The following LMO3 variants were observed in gnomAD, a reference collection of about 807,000 sequenced individuals.
The protein encoded by LMO3 is LIM domain only protein 3.
In LMO3, 2 loss-of-function variants were observed where a neutral mutation model predicts 15.8. The ratio of observed to expected loss-of-function variants is 0.13; its 90% CI spans 0.05 to 0.40. The LOEUF (loss-of-function observed/expected upper bound fraction) is 0.40, where lower values mean the gene tolerates loss of function less well. Ranked by LOEUF, LMO3 falls within the 10% of genes least tolerant of loss-of-function variation. The pLI is 0.99. For missense variants in LMO3, 86 were observed against 182.2 expected (o/e 0.47, Z 3.04); for synonymous variants, 62 against 63.8 (o/e 0.97, Z 0.13).
chr12:16,591,938 A>G lies in LMO3; in HGVS notation c.206+8717T>C, dbSNP rs2137629503. 6.6e-6 allele frequency among the ~76,000 whole-genome samples: 1 copy of G among 152,032 alleles called. No homozygotes were observed. The highest frequency in any genetic ancestry group is 2.4e-5 in the African/African-American group (1 of 41,482). ...TCATTCTCTATATTGGTTCCATGGG[A>G]CTTAATTGGAGTGAAACTCTTTATA... On this transcript the variant is annotated intron_variant, in intron 2 of 3. Coordinates refer to ENST00000537304, the MANE Select transcript of LMO3 (RefSeq NM_018640.5). The surrounding 1 kb of genome is among the most constrained non-coding windows in gnomAD (Gnocchi z 4.1).
At chr12:16,556,876 G>A (rs1290012995) in intron 3 of LMO3, among the ~76,000 whole-genome samples, 1 of 152,100 alleles carries the variant, frequency 6.6e-6, no homozygotes, top group Non-Finnish European at 1.5e-5. Context: ...GTGCATAACC[G>A]GCACTAAAGA....
chr12:16,605,344 T>C, intron 1 of LMO3: 10 of 1,158,900 alleles, frequency 8.6e-6, no homozygotes, highest in Non-Finnish European at 1.1e-5. Context: ...GTAAAAAATG[T>C]GCTGCATCAG....
At chr12:16,579,705 A>G (rs1407942795) in intron 2 of LMO3, among the ~76,000 whole-genome samples, 1 of 152,184 alleles carries the variant, frequency 6.6e-6, no homozygotes, top group Non-Finnish European at 1.5e-5. Flanking sequence ...ACTCAGTAAG[A>G]ATTCAGAAAA....
Position 16,549,645 on chromosome 12 carries a change from G to A in LMO3, c.*1577C>T, listed in dbSNP as rs1256968572. 1 of 152,206 alleles carries A rather than the reference G, an allele frequency of 6.6e-6. No individual in the cohort carries two copies. The highest frequency in any genetic ancestry group is 1.5e-5 in the Non-Finnish European group (1 of 67,946). 9.4% of individuals were successfully genotyped at this position (152,206 alleles called of 1,614,324 possible). On this transcript the variant is annotated 3_prime_UTR_variant, in exon 4 of 4. Transcript: ENST00000537304. ...TACAAGTGATCAAGAAAAAAACAAA[G>A]AAAAAGAAAACCCATAGCACTAAGT...
chr12:16,590,392 T>C (rs1943453649), intron 2 of LMO3, among the ~76,000 whole-genome samples: 3 of 152,196 alleles, frequency 2.0e-5, no homozygotes, highest in African/African-American at 7.2e-5. Context: ...CTCTAAGTGC[T>C]GGATTTAGAA....
upstream of LMO3, chr12:16,609,217 C>T (rs1414998185): frequency 1.3e-5 from 2 of 152,120 alleles, no homozygotes; most frequent in South Asian, 2.1e-4. Flanking sequence ...ATCTGGTGAA[C>T]AAGAGGTGGA....
Position 16,584,569 on chromosome 12 carries a change from T to C in LMO3, c.206+16086A>G, listed in dbSNP as rs1451494176. On this transcript the variant is annotated intron_variant, in intron 2 of 3. Coordinates refer to ENST00000537304, the MANE Select transcript of LMO3 (RefSeq NM_018640.5). This position sits in a 1 kb window ranked among gnomAD's most constrained non-coding sequence, Gnocchi z 5.2. Reference sequence around the variant, plus strand: ...AAACAAGAGACGTTTTAGATTAACATTGGCAAGTGGAGGAGTGGGGGGGGT... The same window carrying C: ...AAACAAGAGACGTTTTAGATTAACACTGGCAAGTGGAGGAGTGGGGGGGGT... Among the ~76,000 whole-genome samples, 6 of 151,530 alleles carry C rather than the reference T, an allele frequency of 4.0e-5. No individual in the cohort carries two copies. Among genetic ancestry groups the C allele is most frequent in the African/African-American group, 7.3e-5 (3 of 40,936 alleles).
At chr12:16,606,333 A>G (rs1944001379), upstream of LMO3, 1 of 153,124 alleles carries the variant, frequency 6.5e-6, no homozygotes, top group Admixed American at 6.5e-5. Context: ...GTTCAAGACA[A>G]CTTACCCCAG....
intron 2 of LMO3, among the ~76,000 whole-genome samples, chr12:16,580,850 T>G (rs1450428033): frequency 6.6e-6 from 1 of 152,232 alleles, no homozygotes; most frequent in Non-Finnish European, 1.5e-5. Flanking sequence ...AAGCTTTTAT[T>G]AATTATACAA....
Position 16,584,435 on chromosome 12 carries a change from G to A in LMO3, c.206+16220C>T, listed in dbSNP as rs118118872. On this transcript the variant is annotated intron_variant, in intron 2 of 3. Coordinates refer to ENST00000537304, the MANE Select transcript of LMO3 (RefSeq NM_018640.5). The surrounding 1 kb of genome is among the most constrained non-coding windows in gnomAD (Gnocchi z 5.2). ...GAAAGGCATCTGGCCAAAAGATTGT[G>A]GACACAGCAAAAGTTATTGACAAGG... Among the ~76,000 whole-genome samples the A allele has an allele frequency of 0.01, 1,580 of 152,212 alleles. 14 individuals are homozygous for A. The highest frequency in any genetic ancestry group is 0.015 in the Non-Finnish European group (1,022 of 68,022).
At chr12:16,605,350 A>G in intron 1 of LMO3, 5 of 1,160,798 alleles carry the variant, frequency 4.3e-6, no homozygotes, top group Non-Finnish European at 5.3e-6. Flanking sequence ...AATGTGCTGC[A>G]TCAGTTTGAA....
In LMO3 at chr12:16,582,940, A is replaced by G. The variant is rs1281933621; in HGVS notation, c.206+17715T>C. The stretch of plus-strand genomic sequence containing the variant: ...CATGCACCTGTAATCCCAGCTACTC[A>G]GGAGGCTAATGCAGGAAAATCTCTT... On this transcript the variant is annotated intron_variant, in intron 2 of 3. Transcript: ENST00000537304. The surrounding 1 kb of genome is among the most constrained non-coding windows in gnomAD (Gnocchi z 4.1). 6.6e-6 allele frequency among the ~76,000 whole-genome samples: 1 copy of G among 151,368 alleles called. No individual in the cohort carries two copies. The highest frequency in any genetic ancestry group is 1.5e-5 in the Non-Finnish European group (1 of 67,900).
chr12:16,602,900 C>A (rs75907151), intron 1 of LMO3, among the ~76,000 whole-genome samples: 2 of 151,588 alleles, frequency 1.3e-5, no homozygotes, highest in Middle Eastern at 3.2e-3. Context: ...TAAGAGAAGC[C>A]ATTCTAATTA....
chr12:16,569,042 G>A (rs1388062278), intron 2 of LMO3, among the ~76,000 whole-genome samples: 23 of 152,120 alleles, frequency 1.5e-4, no homozygotes, highest in Non-Finnish European at 2.9e-5. Context: ...CCCACCTATT[G>A]TTCCAGTTTC....
At chr12:16,565,724 A>G (rs1942574614) in intron 2 of LMO3, among the ~76,000 whole-genome samples, 1 of 151,810 alleles carries the variant, frequency 6.6e-6, no homozygotes, top group African/African-American at 2.4e-5. Flanking sequence ...GAAAAAAGGA[A>G]CACTGACACT....
Position 16,593,390 on chromosome 12 carries a change from A to G in LMO3, c.206+7265T>C, listed in dbSNP as rs1447598376. Reference sequence around the variant, plus strand: ...CTTAATGTTAATTTTCCACCTTCAAATCAGGGATTTGACTATTCCAAGATG... The same window carrying G: ...CTTAATGTTAATTTTCCACCTTCAAGTCAGGGATTTGACTATTCCAAGATG... On this transcript the variant is annotated intron_variant, in intron 2 of 3. Coordinates refer to ENST00000537304, the MANE Select transcript of LMO3 (RefSeq NM_018640.5). This position sits in a 1 kb window ranked among gnomAD's most constrained non-coding sequence, Gnocchi z 4.2. 1.3e-5 allele frequency among the ~76,000 whole-genome samples: 2 copies of G among 151,768 alleles called. No homozygotes were observed. Among genetic ancestry groups the G allele is most frequent in the Non-Finnish European group, 3.0e-5 (2 of 67,772 alleles).
At position 16,553,487 on chromosome 12, in the gene LMO3, GAC is replaced by G. The variant is rs1259176252; in HGVS notation, c.333-2162_333-2161del. On this transcript the variant is annotated intron_variant, in intron 3 of 3. Coordinates refer to ENST00000537304, the MANE Select transcript of LMO3 (RefSeq NM_018640.5). ...AGCAACAGAGGCAGAGCGAGAGAGAGACAGAACTTTTCTAAAATATTCCTACC... is the reference window on the plus strand; with the variant it reads ...AGCAACAGAGGCAGAGCGAGAGAGAGAGAACTTTTCTAAAATATTCCTACC... Among the ~76,000 whole-genome samples, 8 of 152,244 alleles carry G rather than the reference GAC, an allele frequency of 5.3e-5. No homozygotes were observed. In the East Asian group the frequency reaches 1.5e-3, roughly 29 times the overall value.
In LMO3 at chr12:16,551,622, GA is replaced by G. The variant is rs1052626588; in HGVS notation, c.333-296del. On this transcript the variant is annotated intron_variant, in intron 3 of 3. Coordinates refer to ENST00000537304, the MANE Select transcript of LMO3 (RefSeq NM_018640.5). Reference sequence around the variant, plus strand: ...TTTTTTTTTTAAACCACACTGGAAAGAAAAAAAATAAAAAGAACTGATCTGT... The same window carrying G: ...TTTTTTTTTTAAACCACACTGGAAAGAAAAAAATAAAAAGAACTGATCTGT... 6.0e-3 allele frequency among the ~76,000 whole-genome samples: 858 copies of G among 143,052 alleles called. 9 individuals are homozygous for G. Among genetic ancestry groups the G allele is most frequent in the African/African-American group, 0.021 (830 of 38,648 alleles). 93.8% of individuals were successfully genotyped at this position (143,052 alleles called of 152,430 possible).
rs1240113102 is a variant in LMO3 at position 16,591,522 on chromosome 12, G to A, written c.206+9133C>T. On this transcript the variant is annotated intron_variant, in intron 2 of 3. Transcript: ENST00000537304. The surrounding 1 kb of genome is among the most constrained non-coding windows in gnomAD (Gnocchi z 4.1). Reference sequence around the variant, plus strand: ...AATATAAACTCTACAAGGGGAGCAGGTATTTTTGTGTTTTATTTAGTGCTT... The same window carrying A: ...AATATAAACTCTACAAGGGGAGCAGATATTTTTGTGTTTTATTTAGTGCTT... Among the ~76,000 whole-genome samples, 3 of 101,408 alleles carry A rather than the reference G, an allele frequency of 3.0e-5. No individual in the cohort carries two copies. Among genetic ancestry groups the A allele is most frequent in the Non-Finnish European group, 4.0e-5 (2 of 50,082 alleles). 66.5% of individuals were successfully genotyped at this position (101,408 alleles called of 152,430 possible). A position where few individuals can be genotyped will look rare whatever the true frequency, so the allele number is the denominator to read the frequency against.
Sources: gnomAD v4.1 joint callset for allele counts (sites outside exome capture counted in the v4.1 genomes callset) on GRCh38, gnomAD v4.1.1 for gene constraint, Gnocchi (gnomAD v3.1) non-coding constraint, MANE v1.5 for transcripts, NCBI Gene and HGNC (gene_info 2026-07-23, HGNC 2026-07-21) for gene names.